Variants in PXDN observed in about 807,000 individuals in gnomAD.
PXDN encodes peroxidasin homolog.
In PXDN, 77 loss-of-function variants were observed where a neutral mutation model predicts 140.3. That is an observed-to-expected ratio of 0.55 (90% CI 0.46 to 0.66). The LOEUF (loss-of-function observed/expected upper bound fraction) is 0.66, where lower values mean the gene tolerates loss of function less well. Among genes scored for constraint, PXDN ranks in the 30% least tolerant of loss-of-function variants. PXDN has a pLI of 0.00. For missense variants in PXDN, 1,838 were observed against 2,039.5 expected, an observed-to-expected ratio of 0.90 and a Z score of 1.90; for synonymous variants, 911 against 857.4, an observed-to-expected ratio of 1.06 and a Z score of -1.09.
At chr2:1,667,335 A>G (rs1683468131) in intron 9 of PXDN, among the ~76,000 whole-genome samples, 1 of 152,196 alleles carries the variant, frequency 6.6e-6, no homozygotes, top group South Asian at 2.1e-4. Context: ...ATCAAATAGG[A>G]TAAAAAATGA....
upstream of PXDN, chr2:1,744,566 G>C: frequency 1.1e-6 from 1 of 934,940 alleles, no homozygotes; most frequent in Non-Finnish European, 1.4e-6. Flanking sequence ...GGCGGGGGGC[G>C]CCAGCTGTGC....
At chr2:1,663,495 C>T (rs2241455) in intron 12 of PXDN, 110 bp downstream of exon 12, 12 of 1,437,992 alleles carry the variant, frequency 8.3e-6, no homozygotes, top group Non-Finnish European at 1.0e-5. Flanking sequence ...GCAGAGAGAA[C>T]AGCCAACGCT....
rs745977005 is a variant in PXDN, at chr2:1,638,857, G to C, written c.4195C>G (p.Leu1399Val). 1 of 1,614,002 alleles carries C rather than the reference G, an allele frequency of 6.2e-7. No individual in the cohort carries two copies. The highest frequency in any genetic ancestry group is 1.1e-5 in the South Asian group (1 of 91,090). ...VLEMQKTITD[L>V]RTQIKKLESR... is the part of the protein sequence containing the mutation. ...GCCAGGCACCTCACCTGTGTTCTGA[G>C]GTCTGTGATGGTCTTCTGCATTTCC... The change falls in exon 21 of 23, where the codon CTC becomes GTC. Residue 1399 changes from leucine to valine, a missense_variant. Physicochemically the swap from Leu to Val is conservative, Grantham distance 32 (BLOSUM62 1). Transcript: ENST00000252804.
intron 6 of PXDN, among the ~76,000 whole-genome samples, chr2:1,681,849 G>C (rs1216514548): frequency 6.6e-6 from 1 of 152,200 alleles, no homozygotes; most frequent in Admixed American, 6.5e-5. Flanking sequence ...GGTGGAGCGA[G>C]CTGCTCAGGG....
chr2:1,701,270 G>T (rs2125457296), intron 1 of PXDN, among the ~76,000 whole-genome samples: 1 of 152,350 alleles, frequency 6.6e-6, no homozygotes, highest in East Asian at 1.9e-4. Flanking sequence ...TACCACAGGG[G>T]TGAGTACATC....
At chr2:1,743,408 C>T (rs922484597) in intron 1 of PXDN, among the ~76,000 whole-genome samples, 6 of 152,146 alleles carry the variant, frequency 3.9e-5, no homozygotes, top group African/African-American at 9.7e-5. Flanking sequence ...CTCTCGGGAA[C>T]CCCGGCCGCC....
At chr2:1,733,619 G>T (rs1295098204) in intron 1 of PXDN, among the ~76,000 whole-genome samples, 2 of 151,982 alleles carry the variant, frequency 1.3e-5, no homozygotes, top group African/African-American at 4.8e-5. Flanking sequence ...GTGCGCGCCT[G>T]TAATCCCAGC....
intron 1 of PXDN, among the ~76,000 whole-genome samples, chr2:1,736,687 A>C (rs914051946): frequency 6.6e-6 from 1 of 152,118 alleles, no homozygotes; most frequent in Admixed American, 6.6e-5. Context: ...ATTTAAAAAA[A>C]AAAATCCAGG....
intron 6 of PXDN, among the ~76,000 whole-genome samples, chr2:1,682,347 A>G (rs1558506814): frequency 1.3e-5 from 2 of 152,036 alleles, no homozygotes; most frequent in African/African-American, 4.8e-5. Context: ...TTTATCCTAA[A>G]GGAAAAAAAA....
Position 1,662,075 on chromosome 2 carries a change from G to A in PXDN, c.1677C>T (p.Asn559=), listed in dbSNP as rs1300918968. 1 of 1,589,312 alleles carries A rather than the reference G, an allele frequency of 6.3e-7. No individual in the cohort carries two copies. The highest frequency in any genetic ancestry group is 1.1e-5 in the South Asian group (1 of 86,978). The change falls in exon 13 of 23, where the codon AAC becomes AAT. Residue 559 remains asparagine (N), a synonymous_variant. Coordinates refer to ENST00000252804, the MANE Select transcript of PXDN (RefSeq NM_012293.3). ...QGEPEPAITW[N]KDGVQVTESG... is the part of the protein sequence containing the mutation. ...GCTCGGGCACCAGACCGCCTACCTT[G>A]TTCCAGGTGATGGCTGGCTCGGGCT... is the stretch of plus-strand genomic sequence containing the variant.
chr2:1,741,070 C>T (rs1361889016), intron 1 of PXDN, among the ~76,000 whole-genome samples: 1 of 152,080 alleles, frequency 6.6e-6, no homozygotes, highest in Non-Finnish European at 1.5e-5. Context: ...TAGCCTCAAC[C>T]GTGGCGGCTC....
chr2:1,664,896 ATG>A, intron 11 of PXDN, 60 bp downstream of exon 11: 2 of 1,376,250 alleles, frequency 1.5e-6, no homozygotes, highest in Admixed American at 3.9e-5. Context: ...CACAGTGGAA[ATG>A]TGTGCTTCCT....
chr2:1,660,653 T>C lies in PXDN; in HGVS notation c.1837+228A>G, dbSNP rs1361614940. ...CAGTGGACAGGCTGCAGGACAAAGC[T>C]CTGCCCCGTGGATGGGCAGCAGGGC... On this transcript the variant is annotated intron_variant, in intron 14 of 22. Coordinates refer to ENST00000252804, the MANE Select transcript of PXDN (RefSeq NM_012293.3). This position sits in a 1 kb window ranked among gnomAD's most constrained non-coding sequence, Gnocchi z 4.6. 6.6e-6 allele frequency among the ~76,000 whole-genome samples: 1 copy of C among 152,102 alleles called. No individual in the cohort carries two copies. Among genetic ancestry groups the C allele is most frequent in the Non-Finnish European group, 1.5e-5 (1 of 68,016 alleles).
rs1331361999 is a variant in PXDN, at chr2:1,649,074, C to T, written c.2706G>A (p.Gln902=). ...LLMNSVYPRE[Q]INQLTSYIDA... ...CTATGTAGGAGGTGAGCTGGTTGAT[C>T]TGCTCCCGCGGGTACACGGAGTTCA... The change falls in exon 17 of 23, where the codon CAG becomes CAA. Residue 902 remains glutamine (Q), a synonymous_variant. Transcript: ENST00000252804. This position sits in a 1 kb window ranked among gnomAD's most constrained non-coding sequence, Gnocchi z 7.1. The T allele has an allele frequency of 6.2e-7, 1 of 1,612,652 alleles. No individual in the cohort carries two copies. Among genetic ancestry groups the T allele is most frequent in the South Asian group, 1.1e-5 (1 of 91,072 alleles).
chr2:1,696,168 T>C lies in PXDN; in HGVS notation c.201-3034A>G, dbSNP rs561852178. Among the ~76,000 whole-genome samples, 8 of 152,390 alleles carry C rather than the reference T, an allele frequency of 5.2e-5. No individual in the cohort carries two copies. The South Asian group carries it at 8.3e-4, about 16-fold the overall frequency. On this transcript the variant is annotated intron_variant, in intron 1 of 22. Coordinates refer to ENST00000252804, the MANE Select transcript of PXDN (RefSeq NM_012293.3). ...AGTGCATGCTGAAACATGTACAAGT[T>C]TGGCATGCAGAGTTCAATAAAACAT...
At chr2:1,734,522 A>G (rs1218227524) in intron 1 of PXDN, among the ~76,000 whole-genome samples, 1 of 152,158 alleles carries the variant, frequency 6.6e-6, no homozygotes, top group African/African-American at 2.4e-5. Flanking sequence ...GTTTCTCTGT[A>G]GTATGCGATG....
At chr2:1,733,311 C>A (rs982005005) in intron 1 of PXDN, among the ~76,000 whole-genome samples, 1 of 152,100 alleles carries the variant, frequency 6.6e-6, no homozygotes, top group African/African-American at 2.4e-5. Flanking sequence ...CACACCAAGG[C>A]ATATCATAAT....
intron 6 of PXDN, among the ~76,000 whole-genome samples, chr2:1,681,860 C>A (rs550785576): frequency 6.6e-6 from 1 of 152,346 alleles, no homozygotes; most frequent in South Asian, 2.1e-4. Context: ...CTGCTCAGGG[C>A]ACCCAAGGAA....
intron 16 of PXDN, 40 bp downstream of exon 16, chr2:1,653,588 C>T (rs540839902): frequency 1.1e-4 from 184 of 1,606,330 alleles, no homozygotes; most frequent in Non-Finnish European, 1.5e-4. Context: ...AACCCCGTTA[C>T]TCAGGCCATG....
Sources: allele counts gnomAD v4.1 joint callset (sites outside exome capture counted in the v4.1 genomes callset), GRCh38; gene constraint gnomAD v4.1.1; non-coding constraint Gnocchi (gnomAD v3.1); transcripts MANE v1.5; gene names NCBI Gene and HGNC (gene_info 2026-07-23, HGNC 2026-07-21).